COL24A1: variants seen among roughly 807,000 people sequenced by gnomAD.
COL24A1 encodes collagen alpha-1(XXIV) chain.
COL24A1 carries 224 observed loss-of-function variants against 253.9 expected under a neutral mutation model. The observed-to-expected ratio is 0.88, with a 90% CI of 0.79 to 0.99. The LOEUF is 0.99. Ranked by LOEUF, COL24A1 falls within the 50% of genes least tolerant of loss-of-function variation. The pLI is 0.00. For synonymous variants in COL24A1, 685 were observed against 673.7 expected (o/e 1.02, Z -0.26); for missense variants, 2,131 against 2,068.5 (o/e 1.03, Z -0.59).
At chr1:85,886,049 G>A (rs1184026658) in intron 32 of COL24A1, among the ~76,000 whole-genome samples, 1 of 151,554 alleles carries the variant, frequency 6.6e-6, no homozygotes, top group Non-Finnish European at 1.5e-5. Flanking sequence ...AAGCCAAATT[G>A]TGTTCCACAC....
chr1:86,089,447 G>C (rs190509199), intron 6 of COL24A1, among the ~76,000 whole-genome samples: 1 of 152,030 alleles, frequency 6.6e-6, no homozygotes, highest in African/African-American at 2.4e-5. Flanking sequence ...TCCTTGCTCC[G>C]TTTTCTCTGA....
chr1:86,115,284 A>G, intron 4 of COL24A1, 41 bp downstream of exon 4: 1 of 1,599,388 alleles, frequency 6.3e-7, no homozygotes, highest in Non-Finnish European at 8.6e-7. Flanking sequence ...AGAAAGTTAC[A>G]AATTCTCACT....
intron 19 of COL24A1, among the ~76,000 whole-genome samples, chr1:85,989,597 A>G (rs1449906519): frequency 6.6e-6 from 1 of 152,104 alleles, no homozygotes; most frequent in African/African-American, 2.4e-5. Context: ...CCACTTTGTT[A>G]CTGGCCTCAG....
At chr1:85,827,251 C>A (rs1051009030) in intron 43 of COL24A1, among the ~76,000 whole-genome samples, 4 of 151,566 alleles carry the variant, frequency 2.6e-5, no homozygotes, top group African/African-American at 7.3e-5. Flanking sequence ...TATATTGAAC[C>A]AGCCTTGCAT....
chr1:85,898,757 G>A (rs972197859), intron 28 of COL24A1, among the ~76,000 whole-genome samples: 14 of 152,122 alleles, frequency 9.2e-5, no homozygotes, highest in Non-Finnish European at 1.5e-4. Context: ...AAATAAGTAC[G>A]TAAAACTAAA....
At chr1:86,017,081 A>G (rs866400108) in intron 19 of COL24A1, 70 bp downstream of exon 19, 2 of 1,341,514 alleles carry the variant, frequency 1.5e-6, no homozygotes, top group Non-Finnish European at 2.1e-6. Flanking sequence ...ATGTTGAAAC[A>G]TGTTTTATCA....
At chr1:85,827,239 C>T (rs313755) in intron 43 of COL24A1, among the ~76,000 whole-genome samples, 61,135 of 151,106 alleles carry the variant, frequency 0.4, 13,567 homozygotes, top group East Asian at 0.58. Flanking sequence ...TATTGAATTG[C>T]GTATATTGAA....
intron 14 of COL24A1, among the ~76,000 whole-genome samples, chr1:86,031,161 G>A (rs1698535156): frequency 1.3e-5 from 2 of 152,096 alleles, no homozygotes; most frequent in Non-Finnish European, 2.9e-5. Context: ...AACAGGAATG[G>A]AACTGGAAGA....
intron 3 of COL24A1, among the ~76,000 whole-genome samples, chr1:86,117,110 T>A (rs764642676): frequency 6.6e-6 from 1 of 152,212 alleles, no homozygotes; most frequent in South Asian, 2.1e-4. Context: ...TAAAAATGTC[T>A]AGTTTGGTTT....
At chr1:85,865,440 A>G (rs1402622758) in intron 37 of COL24A1, among the ~76,000 whole-genome samples, 1 of 152,196 alleles carries the variant, frequency 6.6e-6, no homozygotes, top group Non-Finnish European at 1.5e-5. Flanking sequence ...GTTACTAAAA[A>G]AAGGCACCAA....
intron 9 of COL24A1, among the ~76,000 whole-genome samples, chr1:86,058,271 GT>G (rs1435409622): frequency 2.0e-5 from 3 of 151,540 alleles, no homozygotes; most frequent in Non-Finnish European, 3.0e-5. Context: ...AGACTGTGTT[GT>G]TTTAAAACAT....
chr1:85,806,945 T>A (rs1672038509), intron 47 of COL24A1, among the ~76,000 whole-genome samples: 1 of 152,224 alleles, frequency 6.6e-6, no homozygotes, highest in Admixed American at 6.5e-5. Flanking sequence ...TGCATATTAA[T>A]ACATCTTCAT....
At chr1:85,783,036 G>A (rs183229009) in intron 51 of COL24A1, among the ~76,000 whole-genome samples, 17 of 152,166 alleles carry the variant, frequency 1.1e-4, no homozygotes, top group Admixed American at 7.2e-4. Flanking sequence ...CTATTTAAGC[G>A]GTTCCTCATC....
chr1:85,759,906 C>G (rs1299546563), intron 55 of COL24A1, among the ~76,000 whole-genome samples: 1 of 152,096 alleles, frequency 6.6e-6, no homozygotes, highest in Non-Finnish European at 1.5e-5. Context: ...TGAACTTGTT[C>G]TTTCTTGAGA....
At chr1:86,057,904 A>G in intron 10 of COL24A1, 27 bp downstream of exon 10, 1 of 1,606,124 alleles carries the variant, frequency 6.2e-7, no homozygotes, top group Non-Finnish European at 8.5e-7. Flanking sequence ...AAGCATGCTT[A>G]ACAGAATGAT....
At chr1:86,059,078 A>G in intron 9 of COL24A1, 43 bp downstream of exon 9, 2 of 1,395,312 alleles carry the variant, frequency 1.4e-6, no homozygotes, top group Non-Finnish European at 2.0e-6. Flanking sequence ...ATGTATTAAT[A>G]AATAGGAACA....
chr1:85,918,777 G>T (rs1481980399), intron 24 of COL24A1, among the ~76,000 whole-genome samples: 2 of 152,108 alleles, frequency 1.3e-5, no homozygotes, highest in African/African-American at 4.8e-5. Context: ...CCAAGCAATT[G>T]TAATTTACCA....
intron 8 of COL24A1, among the ~76,000 whole-genome samples, chr1:86,059,455 G>T (rs1700914255): frequency 1.3e-5 from 2 of 152,060 alleles, no homozygotes; most frequent in Admixed American, 1.3e-4. Flanking sequence ...TCTAGAGGAA[G>T]AGCTGGTATA....
intron 7 of COL24A1, among the ~76,000 whole-genome samples, chr1:86,081,110 T>A (rs1702602408): frequency 6.6e-6 from 1 of 152,172 alleles, no homozygotes; most frequent in African/African-American, 2.4e-5. Flanking sequence ...AATTAAAGCA[T>A]CATTTATTTG....
Sources: allele counts gnomAD v4.1 joint callset (sites outside exome capture counted in the v4.1 genomes callset), GRCh38; gene constraint gnomAD v4.1.1; transcripts MANE v1.5; gene names NCBI Gene and HGNC (gene_info 2026-07-23, HGNC 2026-07-21).